PCDH11X: variants seen among roughly 807,000 people sequenced by gnomAD.
PCDH11X encodes the protein protocadherin 11 X-linked.
A neutral mutation model predicts 53.3 loss-of-function variants in PCDH11X; 18 were observed. The observed-to-expected ratio is 0.34, with a 90% CI of 0.23 to 0.50. PCDH11X has a LOEUF of 0.50. Among genes scored for constraint, PCDH11X ranks in the 20% least tolerant of loss-of-function variants. The pLI, the probability that PCDH11X is intolerant of heterozygous loss-of-function variation, is 0.98. For missense variants in PCDH11X, 570 were observed against 1,032.4 expected (o/e 0.55, Z 6.14); for synonymous variants, 279 against 393.3 (o/e 0.71, Z 3.44).
intron 6 of PCDH11X, among the ~76,000 whole-genome samples, chrX:91,947,665 T>C (rs2061593162): frequency 9.6e-6 from 1 of 103,981 alleles, no homozygotes; most frequent in Non-Finnish European, 2.0e-5. Flanking sequence ...ACCAGTCTCC[T>C]GGGGACATAA....
chrX:92,215,082 C>T (rs779075115), intron 7 of PCDH11X, among the ~76,000 whole-genome samples: 19 of 110,993 alleles, frequency 1.7e-4, no homozygotes, highest in Middle Eastern at 4.6e-3. Flanking sequence ...CCAAGATGGC[C>T]GAATAGGAAC....
At chrX:92,326,586 C>T (rs1246994311) in intron 8 of PCDH11X, among the ~76,000 whole-genome samples, 1 of 66,159 alleles carries the variant, frequency 1.5e-5, no homozygotes, top group Non-Finnish European at 2.6e-5. Flanking sequence ...TATTATGTTA[C>T]TCTCTAGCAT....
intron 4 of PCDH11X, among the ~76,000 whole-genome samples, chrX:91,813,447 C>T (rs1210730016): frequency 2.0e-5 from 2 of 101,659 alleles, no homozygotes; most frequent in African/African-American, 7.6e-5. Flanking sequence ...AGATGATGAC[C>T]TTTGATGACC....
At chrX:92,147,041 TA>T (rs2065278559) in intron 6 of PCDH11X, among the ~76,000 whole-genome samples, 2 of 110,307 alleles carry the variant, frequency 1.8e-5, no homozygotes, top group South Asian at 7.8e-4. Context: ...CTAATAGATG[TA>T]ACAGAATTTG....
chrX:92,000,815 C>T (rs2062497070), intron 6 of PCDH11X, among the ~76,000 whole-genome samples: 1 of 84,652 alleles, frequency 1.2e-5, no homozygotes, highest in Non-Finnish European at 2.3e-5. Flanking sequence ...CACAAATAAG[C>T]GAGACCATGC....
intron 6 of PCDH11X, among the ~76,000 whole-genome samples, chrX:92,148,793 T>TAC (rs1165672428): frequency 6.8e-4 from 73 of 107,076 alleles, no homozygotes; most frequent in Admixed American, 3.1e-3. Flanking sequence ...TATATATATA[T>TAC]ACACACACAC....
intron 10 of PCDH11X, among the ~76,000 whole-genome samples, chrX:92,481,282 G>T (rs2073498048): frequency 1.1e-5 from 1 of 89,196 alleles, no homozygotes; most frequent in Non-Finnish European, 2.3e-5. Flanking sequence ...GAAGGGCAGG[G>T]TTCACACACA....
chrX:92,420,554 G>T (rs759846235), intron 9 of PCDH11X: 3 of 345,404 alleles, frequency 8.7e-6, no homozygotes, highest in East Asian at 1.6e-4. Flanking sequence ...GTTTTTAATG[G>T]ATATTTAATG....
intron 7 of PCDH11X, among the ~76,000 whole-genome samples, chrX:92,232,352 T>A (rs2067091327): frequency 9.0e-6 from 1 of 111,666 alleles, no homozygotes; most frequent in Admixed American, 9.6e-5. Context: ...CTAGAGTATA[T>A]TGTCATGTAC....
intron 10 of PCDH11X, among the ~76,000 whole-genome samples, chrX:92,492,466 A>G: frequency 8.9e-6 from 1 of 112,433 alleles, no homozygotes; most frequent in Non-Finnish European, 1.9e-5. Flanking sequence ...ATTTCTATGC[A>G]CATTTTTTAT....
chrX:91,913,140 T>C (rs1281267465), intron 6 of PCDH11X, among the ~76,000 whole-genome samples: 1 of 110,701 alleles, frequency 9.0e-6, no homozygotes, highest in Non-Finnish European at 1.9e-5. Context: ...GGAGGGATTA[T>C]GGGGTGAAGG....
rs566573698 is a variant in PCDH11X at position 92,545,387 on chromosome X, CTTTTTTTTTTTTTT to C, written c.3368-72864_3368-72851del. On this transcript the variant is annotated intron_variant, in intron 10 of 10. Transcript: ENST00000682573. ...ATCATTGACTTCGAAGGTTAAATTC[CTTTTTTTTTTTTTT>C]TTTTTTTTTTTTGTTTTTGAGGCGG... 6.8e-3 allele frequency among the ~76,000 whole-genome samples: 449 copies of C among 66,058 alleles called. 6 individuals are homozygous for C. The South Asian group carries it at 0.13, about 19-fold the overall frequency. The allele number at this position is 66,058 out of a possible 115,157, so 57.4% of individuals were successfully genotyped here.
chrX:92,181,929 A>AC (rs2066003708), intron 6 of PCDH11X, among the ~76,000 whole-genome samples: 1 of 112,477 alleles, frequency 8.9e-6, no homozygotes, highest in Non-Finnish European at 1.9e-5. Flanking sequence ...GTGCCCCCAC[A>AC]CAGAGTACCC....
intron 7 of PCDH11X, among the ~76,000 whole-genome samples, chrX:92,221,215 AATAAAAAT>A (rs200404601): frequency 0.084 from 3,321 of 39,389 alleles, 90 homozygotes; most frequent in East Asian, 0.33. Flanking sequence ...TAAAAAAATA[AATAAAAAT>A]AAATAAAAAT....
intron 9 of PCDH11X, among the ~76,000 whole-genome samples, chrX:92,435,999 C>G (rs1033448616): frequency 1.8e-5 from 2 of 109,881 alleles, no homozygotes; most frequent in Admixed American, 9.8e-5. Flanking sequence ...GTGACAAGCT[C>G]CTGCATAGCA....
chrX:91,779,947 T>C (rs113867523), intron 1 of PCDH11X, among the ~76,000 whole-genome samples: 1 of 111,742 alleles, frequency 8.9e-6, no homozygotes, highest in African/African-American at 3.3e-5. Flanking sequence ...AACTCTCACT[T>C]TTGTCAGAAA....
chrX:91,868,292 A>G (rs1347121376), intron 5 of PCDH11X, among the ~76,000 whole-genome samples: 1 of 111,884 alleles, frequency 8.9e-6, no homozygotes, highest in Non-Finnish European at 1.9e-5. Context: ...CCACAGACAA[A>G]TTTGTCATTT....
intron 6 of PCDH11X, among the ~76,000 whole-genome samples, chrX:91,968,596 A>G (rs1033422025): frequency 9.0e-6 from 1 of 111,528 alleles, no homozygotes; most frequent in African/African-American, 3.3e-5. Flanking sequence ...TCTGAGGCTA[A>G]TAAGACTTTA....
intron 1 of PCDH11X, among the ~76,000 whole-genome samples, chrX:91,793,692 G>A (rs1935636661): frequency 9.0e-6 from 1 of 111,538 alleles, no homozygotes; most frequent in Non-Finnish European, 1.9e-5. Context: ...TCTAGAGGGA[G>A]AGTATTTGGG....
Sources: allele counts gnomAD v4.1 joint callset (sites outside exome capture counted in the v4.1 genomes callset), GRCh38; gene constraint gnomAD v4.1.1; transcripts MANE v1.5; gene names NCBI Gene and HGNC (gene_info 2026-07-23, HGNC 2026-07-21).